The following CREB5 variants were observed in gnomAD, a reference collection of about 807,000 sequenced individuals.
CREB5 encodes cyclic AMP-responsive element-binding protein 5.
Under a neutral mutation model 57.1 loss-of-function variants are expected in CREB5, and 19 were observed. The observed-to-expected ratio is 0.33, with a 90% CI of 0.23 to 0.49. The LOEUF is 0.49. Among genes scored for constraint, CREB5 ranks in the 20% least tolerant of loss-of-function variants. The probability of loss-of-function intolerance (pLI) is 0.99; values close to 1 mark genes in which losing one functional copy is unlikely to be tolerated. For synonymous variants in CREB5, 238 were observed against 238.3 expected (o/e 1.00, Z 0.01); for missense variants, 579 against 671.6 (o/e 0.86, Z 1.52).
In CREB5 at chr7:28,778,133, A is replaced by G. The variant is rs568899965; in HGVS notation, c.703-26066A>G. Among the ~76,000 whole-genome samples, 17 of 152,356 alleles carry G rather than the reference A, an allele frequency of 1.1e-4. No individual in the cohort carries two copies. In the East Asian group the frequency reaches 3.3e-3, roughly 29 times the overall value. ...CATACAAAACCTGCCTAGCCTTCCC[A>G]TGGAAAGAATTGAAAACAACAAAGT... On this transcript the variant is annotated intron_variant, in intron 7 of 10. Coordinates refer to ENST00000357727, the MANE Select transcript of CREB5 (RefSeq NM_182898.4).
At chr7:28,550,778 G>A (rs925446250) in intron 4 of CREB5, among the ~76,000 whole-genome samples, 1 of 152,192 alleles carries the variant, frequency 6.6e-6, no homozygotes, top group Admixed American at 6.5e-5. Context: ...TAACATTGTG[G>A]TGAATGCGCT....
At chr7:28,319,549 C>T (rs923425784) in intron 1 of CREB5, among the ~76,000 whole-genome samples, 2 of 151,942 alleles carry the variant, frequency 1.3e-5, no homozygotes, top group Non-Finnish European at 2.9e-5. Flanking sequence ...TATTTCTAGC[C>T]CTCCATCCAC....
intron 1 of CREB5, among the ~76,000 whole-genome samples, chr7:28,419,718 T>C (rs1788164455): frequency 6.6e-6 from 1 of 152,184 alleles, no homozygotes; most frequent in Non-Finnish European, 1.5e-5. Context: ...ACATTGTAAC[T>C]CCTATTGGCC....
intron 4 of CREB5, among the ~76,000 whole-genome samples, chr7:28,554,495 C>G (rs970061336): frequency 6.6e-6 from 1 of 152,224 alleles, no homozygotes; most frequent in Non-Finnish European, 1.5e-5. Flanking sequence ...GGAGCCTTCT[C>G]CCTTCCTTTT....
intron 5 of CREB5, among the ~76,000 whole-genome samples, chr7:28,635,163 A>G (rs545397514): frequency 2.2e-4 from 34 of 152,322 alleles, no homozygotes; most frequent in Non-Finnish European, 4.3e-4. Context: ...CAGCTACTAT[A>G]GTACATGAAG....
intron 7 of CREB5, among the ~76,000 whole-genome samples, chr7:28,737,583 A>T (rs1340397857): frequency 0.068 from 1,777 of 26,238 alleles, 54 homozygotes; most frequent in South Asian, 0.098. Flanking sequence ...ATATATATAT[A>T]TATATTTTTA....
intron 5 of CREB5, among the ~76,000 whole-genome samples, chr7:28,616,622 A>G (rs1052391076): frequency 6.6e-6 from 1 of 152,152 alleles, no homozygotes; most frequent in Non-Finnish European, 1.5e-5. Context: ...AAGCTGTATA[A>G]TTTCTCAGAG....
intron 5 of CREB5, among the ~76,000 whole-genome samples, chr7:28,631,910 AG>A (rs936372581): frequency 2.0e-5 from 3 of 152,182 alleles, no homozygotes; most frequent in African/African-American, 7.2e-5. Flanking sequence ...TGCCAACAGA[AG>A]AGTAGAGAGA....
At chr7:28,336,025 C>T (rs887581528) in intron 1 of CREB5, among the ~76,000 whole-genome samples, 2 of 152,022 alleles carry the variant, frequency 1.3e-5, no homozygotes, top group African/African-American at 4.8e-5. Context: ...GTTGAACCAT[C>T]CTTGTACCCT....
intron 5 of CREB5, among the ~76,000 whole-genome samples, chr7:28,616,507 A>C (rs550628650): frequency 6.6e-6 from 1 of 152,150 alleles, no homozygotes; most frequent in Non-Finnish European, 1.5e-5. Context: ...CAACTATAGG[A>C]AATAAAACCT....
At chr7:28,541,659 C>CA (rs926329838) in intron 4 of CREB5, among the ~76,000 whole-genome samples, 15 of 151,984 alleles carry the variant, frequency 9.9e-5, no homozygotes, top group African/African-American at 1.7e-4. Context: ...AACCCCATCA[C>CA]AAAAAACAAA....
rs1810002120 is a variant in CREB5, at chr7:28,825,340, T to C, written c.*6061T>C. 6.6e-6 allele frequency: 1 copy of C among 152,340 alleles called. No homozygotes were observed. The highest frequency in any genetic ancestry group is 6.5e-5 in the Admixed American group (1 of 15,282). 9.4% of individuals were successfully genotyped at this position (152,340 alleles called of 1,614,324 possible). A position where few individuals can be genotyped will look rare whatever the true frequency, so the allele number is the denominator to read the frequency against. On this transcript the variant is annotated 3_prime_UTR_variant, in exon 11 of 11. Transcript: ENST00000357727. ...AAAGGAATGTTGCCTTTGAGAACTG[T>C]CTTGGAGAACAGATAAGCTTGAAAT... is the stretch of plus-strand genomic sequence containing the variant.
At chr7:28,494,702 C>G (rs1300532731) in intron 2 of CREB5, among the ~76,000 whole-genome samples, 2 of 151,814 alleles carry the variant, frequency 1.3e-5, no homozygotes, top group African/African-American at 4.8e-5. Flanking sequence ...TTTAAAGGAA[C>G]ATCCCAGCAC....
At chr7:28,590,858 C>T (rs1203120666) in intron 5 of CREB5, among the ~76,000 whole-genome samples, 1 of 152,116 alleles carries the variant, frequency 6.6e-6, no homozygotes, top group African/African-American at 2.4e-5. Flanking sequence ...ATAAAAATAT[C>T]TGGCATATAG....
rs181756063 is a variant in CREB5 at position 28,820,339 on chromosome 7, A to C, written c.*1060A>C. The C allele has an allele frequency of 4.6e-5, 7 of 152,566 alleles. No homozygotes were observed. Among genetic ancestry groups the C allele is most frequent in the African/African-American group, 1.7e-4 (7 of 41,410 alleles). 9.5% of individuals were successfully genotyped at this position (152,566 alleles called of 1,614,324 possible). On this transcript the variant is annotated 3_prime_UTR_variant, in exon 11 of 11. Coordinates refer to ENST00000357727, the MANE Select transcript of CREB5 (RefSeq NM_182898.4). ...ATAACGTTGAAAATCCATGTACTAC[A>C]TAATAATTCAGAAGGGCTCTATTCA...
At chr7:28,360,243 AGTAT>A (rs1043311095) in intron 1 of CREB5, among the ~76,000 whole-genome samples, 5 of 152,232 alleles carry the variant, frequency 3.3e-5, no homozygotes, top group Non-Finnish European at 7.3e-5. Flanking sequence ...ATTGGAAATC[AGTAT>A]GTTGAAGAGA....
intron 1 of CREB5, among the ~76,000 whole-genome samples, chr7:28,349,655 G>A (rs576858418): frequency 3.5e-4 from 54 of 152,256 alleles, no homozygotes; most frequent in Admixed American, 9.8e-4. Context: ...TTTAACCTAT[G>A]TCAGTGTGAA....
chr7:28,475,912 T>C (rs1791051280), intron 1 of CREB5, among the ~76,000 whole-genome samples: 1 of 152,188 alleles, frequency 6.6e-6, no homozygotes, highest in Non-Finnish European at 1.5e-5. Flanking sequence ...CCCTCTTCCC[T>C]GGCTTGCTCA....
At chr7:28,650,728 A>G (rs2128706430) in intron 5 of CREB5, among the ~76,000 whole-genome samples, 1 of 152,332 alleles carries the variant, frequency 6.6e-6, no homozygotes, top group Non-Finnish European at 1.5e-5. Context: ...GAAAAAGAAT[A>G]TTACCAATTA....
Sources: gnomAD v4.1 joint callset for allele counts (sites outside exome capture counted in the v4.1 genomes callset) on GRCh38, gnomAD v4.1.1 for gene constraint, MANE v1.5 for transcripts, NCBI Gene and HGNC (gene_info 2026-07-23, HGNC 2026-07-21) for gene names.